The following MTMR7 variants were observed in gnomAD, a reference collection of about 807,000 sequenced individuals.
The protein encoded by MTMR7 is phosphatidylinositol-3-phosphate phosphatase MTMR7.
MTMR7 carries 76 observed loss-of-function variants against 81.2 expected under a neutral mutation model. The observed-to-expected ratio is 0.94, with a 90% CI of 0.78 to 1.13. MTMR7 has a LOEUF of 1.13. Among genes scored for constraint, MTMR7 ranks in the 50% most tolerant of loss-of-function variants. The pLI is 0.00. For missense variants in MTMR7, 1,044 were observed against 820.0 expected, an observed-to-expected ratio of 1.27 and a Z score of -3.34; for synonymous variants, 372 against 289.8, an observed-to-expected ratio of 1.28 and a Z score of -2.88.
Position 17,300,134 on chromosome 8 carries a change from A to C in MTMR7, c.1711T>G (p.Ser571Ala), listed in dbSNP as rs771367722. The change falls in exon 14 of 14, where the codon TCA becomes GCA. Residue 571 changes from serine (S) to alanine (A), a missense_variant. Physicochemically the swap from Ser to Ala is moderately conservative, Grantham distance 99. Coordinates refer to ENST00000180173, the MANE Select transcript of MTMR7 (RefSeq NM_004686.5). Reference protein sequence around the residue: ...EPSKHSGFSTSDNSIANTPQD... With the variant: ...EPSKHSGFSTADNSIANTPQD... ...GGAGTGTTGGCTATGCTGTTGTCTGAGGTAGAAAACCCTGAGTGCTTGCTG... is the reference window on the plus strand; with the variant it reads ...GGAGTGTTGGCTATGCTGTTGTCTGCGGTAGAAAACCCTGAGTGCTTGCTG... The C allele has an allele frequency of 6.2e-7, 1 of 1,614,106 alleles. No homozygotes were observed. The highest frequency in any genetic ancestry group is 1.7e-5 in the Admixed American group (1 of 60,016).
intron 7 of MTMR7, among the ~76,000 whole-genome samples, chr8:17,327,276 A>C (rs990313453): frequency 6.6e-6 from 1 of 151,936 alleles, no homozygotes; most frequent in Non-Finnish European, 1.5e-5. Flanking sequence ...TCTATATCTT[A>C]TTTTATTTTT....
chr8:17,349,239 GAGGA>G lies in MTMR7; in HGVS notation c.469-162_469-159del, dbSNP rs1819654275. Reference sequence around the variant, plus strand: ...TTCGAGGAAACTCAAAGCCACTTCAGAGGAAGGAAGTGCCGCTGATTCTATGTAA... The same window carrying G: ...TTCGAGGAAACTCAAAGCCACTTCAGAGGAAGTGCCGCTGATTCTATGTAA... On this transcript the variant is annotated intron_variant, in intron 4 of 13. Coordinates refer to ENST00000180173, the MANE Select transcript of MTMR7 (RefSeq NM_004686.5). 4.0e-6 allele frequency: 3 copies of G among 752,294 alleles called. No homozygotes were observed. In the South Asian group the frequency reaches 6.1e-5, roughly 15 times the overall value. 46.6% of individuals were successfully genotyped at this position (752,294 alleles called of 1,614,324 possible).
At position 17,300,226 on chromosome 8, in the gene MTMR7, T is replaced by C. The variant is rs780876142; in HGVS notation, c.1621-2A>G. On this transcript the variant is annotated splice_acceptor_variant, in intron 13 of 13. Transcript: ENST00000180173. LOFTEE classifies it high-confidence loss of function. ...GACCTTTTGAATTTTTTCCAGCCTC[T>C]AAGAAAGAAATAACAATTTCAGGGG... The C allele has an allele frequency of 6.3e-7, 1 of 1,596,504 alleles. No homozygotes were observed. Among genetic ancestry groups the C allele is most frequent in the Non-Finnish European group, 8.5e-7 (1 of 1,171,896 alleles).
intron 11 of MTMR7, 61 bp from the exon 12 acceptor site, chr8:17,304,580 G>T: frequency 6.5e-7 from 1 of 1,530,536 alleles, no homozygotes; most frequent in Non-Finnish European, 9.0e-7. Flanking sequence ...CAGTAGATAT[G>T]TTATATTAAT....
chr8:17,321,443 C>G (rs1412044858), intron 7 of MTMR7, among the ~76,000 whole-genome samples: 1 of 152,206 alleles, frequency 6.6e-6, no homozygotes, highest in Non-Finnish European at 1.5e-5. Context: ...AGTAAAATAA[C>G]CCCACCAGTT....
At chr8:17,374,090 C>A (rs1820499433) in intron 1 of MTMR7, among the ~76,000 whole-genome samples, 2 of 152,224 alleles carry the variant, frequency 1.3e-5, no homozygotes, top group Non-Finnish European at 2.9e-5. Flanking sequence ...CAAGGATCAA[C>A]CACCTGCAGA....
chr8:17,404,306 C>A (rs73211140), intron 1 of MTMR7, among the ~76,000 whole-genome samples: 9,392 of 152,092 alleles, frequency 0.062, 366 homozygotes, highest in Non-Finnish European at 0.072. Flanking sequence ...TTGGCTCCAG[C>A]ACTGGAACGG....
At chr8:17,367,409 C>T (rs959059080) in intron 3 of MTMR7, among the ~76,000 whole-genome samples, 2 of 152,108 alleles carry the variant, frequency 1.3e-5, no homozygotes, top group African/African-American at 2.4e-5. Context: ...CTCTGAGAAA[C>T]GGGTCTTTTC....
intron 1 of MTMR7, among the ~76,000 whole-genome samples, chr8:17,397,818 G>A (rs1821307769): frequency 6.6e-6 from 1 of 152,106 alleles, no homozygotes; most frequent in African/African-American, 2.4e-5. Flanking sequence ...TCCCAGTGGT[G>A]GTGGCCACAG....
At position 17,413,343 on chromosome 8, in the gene MTMR7, C is replaced by G; in HGVS notation, c.-51G>C. ...GGGCGGGCGCGGCCTCACGCACCTG[C>G]GCGCCTCTGCGGCGCGATGGGAGGG... On this transcript the variant is annotated 5_prime_UTR_variant, in exon 1 of 14. Transcript: ENST00000180173. The G allele has an allele frequency of 6.7e-6, 10 of 1,501,660 alleles. No individual in the cohort carries two copies. The highest frequency in any genetic ancestry group is 7.1e-6 in the Non-Finnish European group (8 of 1,125,412). 93.0% of individuals were successfully genotyped at this position (1,501,660 alleles called of 1,614,324 possible).
chr8:17,367,869 T>G (rs78016446), intron 3 of MTMR7, among the ~76,000 whole-genome samples: 8 of 123,858 alleles, frequency 6.5e-5, no homozygotes, highest in Non-Finnish European at 1.1e-4. Context: ...AGGTTTGGGG[T>G]TTTTTTTTTT....
intron 7 of MTMR7, among the ~76,000 whole-genome samples, chr8:17,320,853 C>T (rs972385477): frequency 3.9e-5 from 6 of 152,202 alleles, no homozygotes; most frequent in Non-Finnish European, 7.3e-5. Flanking sequence ...ACTCCCTGGG[C>T]GCCTGCTGTT....
chr8:17,365,328 G>A (rs147434326), intron 3 of MTMR7, among the ~76,000 whole-genome samples: 2 of 152,100 alleles, frequency 1.3e-5, no homozygotes, highest in East Asian at 1.9e-4. Flanking sequence ...CCTTTATCAG[G>A]TATATGGCTT....
rs1275217522 is a variant in MTMR7, at chr8:17,391,403, AAGAATTTTTAC to A, written c.25-18174_25-18164del. Among the ~76,000 whole-genome samples the A allele has an allele frequency of 2.0e-5, 3 of 152,292 alleles. No individual in the cohort carries two copies. In the East Asian group the frequency reaches 5.8e-4, roughly 29 times the overall value. On this transcript the variant is annotated intron_variant, in intron 1 of 13. Transcript: ENST00000180173. ...GAACTGCAATATTATTTTTTTACTA[AAGAATTTTTAC>A]AAATTCTTTACTACACGGTAAGTTC...
intron 8 of MTMR7, among the ~76,000 whole-genome samples, chr8:17,312,796 T>A (rs4921748): frequency 0.7 from 107,048 of 151,892 alleles, 38,626 homozygotes; most frequent in African/African-American, 0.86. Flanking sequence ...AAATCCAAGG[T>A]ATTTATTTCT....
intron 4 of MTMR7, among the ~76,000 whole-genome samples, chr8:17,355,680 T>A (rs989649964): frequency 6.6e-6 from 1 of 152,076 alleles, no homozygotes; most frequent in Non-Finnish European, 1.5e-5. Flanking sequence ...TGAGACAAGA[T>A]ATCTGCAAGA....
At chr8:17,405,112 A>G (rs1030929816) in intron 1 of MTMR7, among the ~76,000 whole-genome samples, 1 of 152,232 alleles carries the variant, frequency 6.6e-6, no homozygotes. Context: ...TTGGCCTCCC[A>G]AAGTGTTGGG....
In MTMR7 at chr8:17,361,207, G is replaced by A; in HGVS notation, c.378C>T (p.Gly126=). 1 of 1,614,098 alleles carries A rather than the reference G, an allele frequency of 6.2e-7. No individual in the cohort carries two copies. The highest frequency in any genetic ancestry group is 8.5e-7 in the Non-Finnish European group (1 of 1,179,972). Residue 126 remains glycine (G), a synonymous_variant, in exon 4 of 14, where the codon GGC becomes GGT. Transcript: ENST00000180173. ...PMLDKEEREQ[G]WVLIDLSEEY... is the part of the protein sequence containing the mutation. ...CTTCACTAAGATCGATCAGCACCCA[G>A]CCTTGCTCTCTTTCTTCTTTATCCA... is the stretch of plus-strand genomic sequence containing the variant.
intron 7 of MTMR7, among the ~76,000 whole-genome samples, chr8:17,323,712 G>A (rs1454929288): frequency 6.6e-6 from 1 of 152,086 alleles, no homozygotes; most frequent in Admixed American, 6.5e-5. Flanking sequence ...ACACTCCTAT[G>A]AACTTTGAGA....
Sources: gnomAD v4.1 joint callset for allele counts (sites outside exome capture counted in the v4.1 genomes callset) on GRCh38, gnomAD v4.1.1 for gene constraint, MANE v1.5 for transcripts, NCBI Gene and HGNC (gene_info 2026-07-23, HGNC 2026-07-21) for gene names.